The following ATP2B1 variants were observed in gnomAD, a reference collection of about 807,000 sequenced individuals.
ATP2B1 encodes the protein ATPase plasma membrane Ca2+ transporting 1.
ATP2B1 carries 14 observed loss-of-function variants against 124.2 expected under a neutral mutation model. The observed-to-expected ratio is 0.11, with a 90% confidence interval of 0.07 to 0.18. ATP2B1 has a LOEUF of 0.18. ATP2B1 is among the 10% of genes least tolerant of loss of function. The pLI is 1.00. For synonymous variants in ATP2B1, 449 were observed against 492.4 expected, an observed-to-expected ratio of 0.91 and a Z score of 1.17; for missense variants, 763 against 1,466.1, an observed-to-expected ratio of 0.52 and a Z score of 7.83.
chr12:89,708,117 C>T (rs962367467), intron 1 of ATP2B1, among the ~76,000 whole-genome samples: 5 of 152,180 alleles, frequency 3.3e-5, no homozygotes, highest in Admixed American at 3.3e-4. Context: ...CGCTCCCCTC[C>T]CGCAGTGCGT....
Position 89,590,835 on chromosome 12 carries a change from TTA to T in ATP2B1, c.*147_*148del. The T allele has an allele frequency of 2.2e-6, 2 of 911,550 alleles. No individual in the cohort carries two copies. The highest frequency in any genetic ancestry group is 3.2e-6 in the Non-Finnish European group (2 of 621,272). 56.5% of individuals were successfully genotyped at this position (911,550 alleles called of 1,614,324 possible). A position where few individuals can be genotyped will look rare whatever the true frequency, so the allele number is the denominator to read the frequency against. ...GGCAGAAAGCTTTGCTTTTTTTTTT[TTA>T]AAAAAATAAATCTACATTCGTACAA... On this transcript the variant is annotated 3_prime_UTR_variant, in exon 21 of 21. Coordinates refer to ENST00000428670, the MANE Select transcript of ATP2B1 (RefSeq NM_001366521.1).
intron 1 of ATP2B1, among the ~76,000 whole-genome samples, chr12:89,678,832 A>G (rs886428235): frequency 2.0e-5 from 3 of 152,152 alleles, no homozygotes; most frequent in Admixed American, 6.6e-5. Context: ...GCACATTTAC[A>G]TGCATACTAG....
At chr12:89,614,760 T>C (rs1414628314) in intron 12 of ATP2B1, among the ~76,000 whole-genome samples, 1 of 152,104 alleles carries the variant, frequency 6.6e-6, no homozygotes, top group African/African-American at 2.4e-5. Context: ...ACCTCAACAA[T>C]GTCAAAAACA....
At chr12:89,607,145 C>T (rs1043288439) in intron 15 of ATP2B1, among the ~76,000 whole-genome samples, 1 of 152,144 alleles carries the variant, frequency 6.6e-6, no homozygotes, top group Admixed American at 6.5e-5. Flanking sequence ...TCTAAACTTA[C>T]ATCATCAGAA....
intron 1 of ATP2B1, among the ~76,000 whole-genome samples, chr12:89,671,481 G>A (rs1273175049): frequency 1.3e-5 from 2 of 152,164 alleles, no homozygotes; most frequent in South Asian, 2.1e-4. Context: ...GCCAGACACT[G>A]TGTTTAGCAA....
At chr12:89,593,952 G>A (rs1431474215) in intron 20 of ATP2B1, 2 of 151,912 alleles carry the variant, frequency 1.3e-5, no homozygotes, top group Admixed American at 1.3e-4. Flanking sequence ...GAAGTCAAGA[G>A]AAGACAAAAA....
intron 8 of ATP2B1, among the ~76,000 whole-genome samples, chr12:89,626,155 T>C (rs951847152): frequency 1.3e-5 from 2 of 152,236 alleles, no homozygotes; most frequent in African/African-American, 4.8e-5. Flanking sequence ...AGTTCATCTT[T>C]ACTAAATAAC....
chr12:89,624,167 A>C lies in ATP2B1; in HGVS notation c.1344+16T>G. 1 of 1,609,814 alleles carries C rather than the reference A, an allele frequency of 6.2e-7. No homozygotes were observed. Among genetic ancestry groups the C allele is most frequent in the Non-Finnish European group, 8.5e-7 (1 of 1,176,466 alleles). On this transcript the variant is annotated intron_variant, in intron 9 of 20. Coordinates refer to ENST00000428670, the MANE Select transcript of ATP2B1 (RefSeq NM_001366521.1). The stretch of plus-strand genomic sequence containing the variant: ...CTTTAAACATAACAACGTCTACTGA[A>C]CTATTTTCTACTTACTTTGACTGAA...
intron 19 of ATP2B1, among the ~76,000 whole-genome samples, chr12:89,599,772 A>AT (rs531698935): frequency 3.3e-4 from 50 of 152,000 alleles, no homozygotes; most frequent in Admixed American, 5.2e-4. Flanking sequence ...TTTGTTACAT[A>AT]TTTTTTTTAA....
intron 1 of ATP2B1, among the ~76,000 whole-genome samples, chr12:89,695,994 A>T (rs1466374506): frequency 6.6e-6 from 1 of 152,226 alleles, no homozygotes; most frequent in African/African-American, 2.4e-5. Flanking sequence ...ATTCAAGCTC[A>T]AGACCAGACA....
intron 3 of ATP2B1, among the ~76,000 whole-genome samples, chr12:89,640,105 C>G (rs1883280864): frequency 6.6e-6 from 1 of 151,962 alleles, no homozygotes; most frequent in African/African-American, 2.4e-5. Context: ...ACACATAGAC[C>G]ACGGATACAT....
intron 1 of ATP2B1, among the ~76,000 whole-genome samples, chr12:89,669,821 T>C (rs569069718): frequency 6.6e-6 from 1 of 152,344 alleles, no homozygotes; most frequent in South Asian, 2.1e-4. Flanking sequence ...ACACAATATA[T>C]ATTTGTTAAA....
Position 89,631,138 on chromosome 12 carries a change from T to C in ATP2B1, c.788-493A>G, listed in dbSNP as rs139363640. Among the ~76,000 whole-genome samples, 290 of 152,286 alleles carry C rather than the reference T, an allele frequency of 1.9e-3. 1 individual carries two copies. The highest frequency in any genetic ancestry group is 6.8e-3 in the African/African-American group (282 of 41,552). ...CTTGTGCTTAAGGTTTTAACTCTAA[T>C]CAGTCATATCCAAGTTCAAAGCTCA... On this transcript the variant is annotated intron_variant, in intron 5 of 20. Coordinates refer to ENST00000428670, the MANE Select transcript of ATP2B1 (RefSeq NM_001366521.1).
chr12:89,617,304 C>T (rs913484091), intron 11 of ATP2B1, among the ~76,000 whole-genome samples: 5 of 152,166 alleles, frequency 3.3e-5, no homozygotes, highest in African/African-American at 1.2e-4. Flanking sequence ...AAATGCAGTG[C>T]TTTCAAACTT....
chr12:89,653,277 TTTTTTC>T (rs1885500815), intron 2 of ATP2B1, among the ~76,000 whole-genome samples: 1 of 126,504 alleles, frequency 7.9e-6, no homozygotes, highest in Admixed American at 1.1e-4. Flanking sequence ...CACATAGAAT[TTTTTTC>T]TTTTTTTTTT....
rs1340003018 is a variant in ATP2B1 at position 89,626,736 on chromosome 12, T to A, written c.968-121A>T. The A allele has an allele frequency of 5.2e-6, 6 of 1,148,408 alleles. No individual in the cohort carries two copies. The East Asian group carries it at 1.1e-4, about 20-fold the overall frequency. The allele number at this position is 1,148,408 out of a possible 1,614,324, so 71.1% of individuals were successfully genotyped here. On this transcript the variant is annotated intron_variant, in intron 7 of 20. Coordinates refer to ENST00000428670, the MANE Select transcript of ATP2B1 (RefSeq NM_001366521.1). ...ACCAGTAAAGGTATAAGCATTCAGC[T>A]TTGTGAGTGTGTGTGTGTGTCTACA...
At chr12:89,607,587 A>G (rs929940714) in intron 15 of ATP2B1, among the ~76,000 whole-genome samples, 4 of 152,196 alleles carry the variant, frequency 2.6e-5, no homozygotes, top group Non-Finnish European at 5.9e-5. Context: ...TATTTTAATT[A>G]CCTTAGGTTT....
In ATP2B1 at chr12:89,614,417, A is replaced by C. The variant is rs113312821; in HGVS notation, c.2067+2385T>G. Among the ~76,000 whole-genome samples the C allele has an allele frequency of 3.2e-4, 49 of 152,308 alleles. 1 individual carries two copies. The highest frequency in any genetic ancestry group is 1.1e-3 in the African/African-American group (46 of 41,572). Reference sequence around the variant, plus strand: ...TGTGACCACATGGCAAACATTACCCACCTGGCTATTTTATAAGCATTTGAA... The same window carrying C: ...TGTGACCACATGGCAAACATTACCCCCCTGGCTATTTTATAAGCATTTGAA... On this transcript the variant is annotated intron_variant, in intron 12 of 20. Coordinates refer to ENST00000428670, the MANE Select transcript of ATP2B1 (RefSeq NM_001366521.1).
At chr12:89,653,786 G>A (rs1286467852) in intron 2 of ATP2B1, among the ~76,000 whole-genome samples, 1 of 152,126 alleles carries the variant, frequency 6.6e-6, no homozygotes, top group African/African-American at 2.4e-5. Flanking sequence ...ATAATACCGT[G>A]AAAGAAACTG....
Sources: allele counts gnomAD v4.1 joint callset (sites outside exome capture counted in the v4.1 genomes callset), GRCh38; gene constraint gnomAD v4.1.1; transcripts MANE v1.5; gene names NCBI Gene and HGNC (gene_info 2026-07-23, HGNC 2026-07-21).